ROBO1: variants seen among roughly 807,000 people sequenced by gnomAD.
ROBO1 encodes roundabout guidance receptor 1.
In ROBO1, 149 loss-of-function variants were observed where a neutral mutation model predicts 195.9. The ratio of observed to expected loss-of-function variants is 0.76; its 90% CI spans 0.67 to 0.87. The LOEUF (loss-of-function observed/expected upper bound fraction) is 0.87, where lower values mean the gene tolerates loss of function less well. ROBO1 is among the 40% of genes least tolerant of loss of function. The pLI, the probability that ROBO1 is intolerant of heterozygous loss-of-function variation, is 0.00. For synonymous variants in ROBO1, 816 were observed against 733.2 expected (o/e 1.11, Z -1.82); for missense variants, 1,933 against 2,068.3 (o/e 0.93, Z 1.27).
intron 2 of ROBO1, among the ~76,000 whole-genome samples, chr3:79,359,546 T>G (rs184968335): frequency 2.0e-5 from 3 of 152,132 alleles, no homozygotes; most frequent in East Asian, 1.9e-4. Context: ...TGATCTTGTT[T>G]AAAGGGTTCT....
At chr3:79,672,470 T>C (rs1946659877) in intron 1 of ROBO1, among the ~76,000 whole-genome samples, 1 of 151,960 alleles carries the variant, frequency 6.6e-6, no homozygotes, top group Admixed American at 6.6e-5. Flanking sequence ...AATAAGTTAA[T>C]TTCTTGTATT....
chr3:79,700,710 T>C (rs1947598045), intron 1 of ROBO1, among the ~76,000 whole-genome samples: 1 of 151,892 alleles, frequency 6.6e-6, no homozygotes, highest in South Asian at 2.1e-4. Context: ...TGCCTACTTT[T>C]TAATGGGGTT....
chr3:78,961,274 G>T (rs1471896663), intron 3 of ROBO1, among the ~76,000 whole-genome samples: 1 of 152,138 alleles, frequency 6.6e-6, no homozygotes, highest in Non-Finnish European at 1.5e-5. Context: ...GACAGGGAGA[G>T]ATGAATCAAA....
chr3:79,098,338 C>G (rs1046875131), intron 3 of ROBO1, among the ~76,000 whole-genome samples: 5 of 151,792 alleles, frequency 3.3e-5, no homozygotes, highest in African/African-American at 1.2e-4. Context: ...GTCTTGTATT[C>G]TAGAAGGAAT....
chr3:79,274,804 TG>T (rs1356970815), intron 2 of ROBO1, among the ~76,000 whole-genome samples: 8 of 151,838 alleles, frequency 5.3e-5, no homozygotes, highest in Non-Finnish European at 1.2e-4. Flanking sequence ...AAGGAAACAT[TG>T]CAACAAATAC....
At chr3:79,433,667 C>T (rs934276147) in intron 2 of ROBO1, among the ~76,000 whole-genome samples, 1 of 152,144 alleles carries the variant, frequency 6.6e-6, no homozygotes, top group Non-Finnish European at 1.5e-5. Flanking sequence ...CATCAAGCTA[C>T]CAATGACTTT....
At chr3:78,725,716 C>T (rs1324780381) in intron 5 of ROBO1, among the ~76,000 whole-genome samples, 1 of 152,078 alleles carries the variant, frequency 6.6e-6, no homozygotes, top group Non-Finnish European at 1.5e-5. Flanking sequence ...AAATATACTG[C>T]CTTTAAAAAA....
chr3:79,075,752 G>T (rs1293671903), intron 3 of ROBO1, among the ~76,000 whole-genome samples: 5 of 151,896 alleles, frequency 3.3e-5, no homozygotes, highest in African/African-American at 1.2e-4. Flanking sequence ...GGAATTAGTA[G>T]CTTTAGCTCC....
chr3:79,189,215 T>C (rs917979941), intron 2 of ROBO1, among the ~76,000 whole-genome samples: 2 of 151,840 alleles, frequency 1.3e-5, no homozygotes, highest in African/African-American at 4.8e-5. Flanking sequence ...ACATCAGGAA[T>C]ACAGTTGCAC....
chr3:78,791,668 C>T (rs1224265880), intron 4 of ROBO1, among the ~76,000 whole-genome samples: 1 of 151,964 alleles, frequency 6.6e-6, no homozygotes. Context: ...CCTTTACTGT[C>T]TGTGTGCTAT....
In ROBO1 at chr3:78,983,778, A is replaced by C. The variant is rs538275285; in HGVS notation, c.173-44851T>G. Among the ~76,000 whole-genome samples the C allele has an allele frequency of 2.6e-5, 4 of 152,328 alleles. No homozygotes were observed. The South Asian group carries it at 8.3e-4, about 32-fold the overall frequency. On this transcript the variant is annotated intron_variant, in intron 3 of 30. Coordinates refer to ENST00000464233, the MANE Select transcript of ROBO1 (RefSeq NM_002941.4). The stretch of plus-strand genomic sequence containing the variant: ...ATAAATACAAATATTTGAGTACTTA[A>C]GTACTTGAGAAACTAGCGCCATCTT...
At chr3:78,935,194 T>C (rs1167446168) in intron 4 of ROBO1, among the ~76,000 whole-genome samples, 2 of 152,192 alleles carry the variant, frequency 1.3e-5, no homozygotes, top group East Asian at 3.9e-4. Context: ...AATCTTTAAT[T>C]AATTAGCAAA....
chr3:79,408,195 T>G (rs35924478), intron 2 of ROBO1, among the ~76,000 whole-genome samples: 61,091 of 151,152 alleles, frequency 0.4, 12,588 homozygotes, highest in Admixed American at 0.51. Context: ...TCCAGTCTGG[T>G]CAACAAGAGT....
In ROBO1 at chr3:79,639,672, G is replaced by A. The variant is rs115269581; in HGVS notation, c.-50-49711C>T. ...TCACTCATCAACTAAAGAAAAATGA[G>A]CCCATTGGATTTGATGTTGTCTTCC... On this transcript the variant is annotated intron_variant, in intron 1 of 30. Coordinates refer to ENST00000464233, the MANE Select transcript of ROBO1 (RefSeq NM_002941.4). Among the ~76,000 whole-genome samples the A allele has an allele frequency of 4.2e-3, 632 of 152,260 alleles. 6 individuals are homozygous for A. Among genetic ancestry groups the A allele is most frequent in the African/African-American group, 0.015 (606 of 41,564 alleles).
At chr3:78,984,762 A>G (rs1432026298) in intron 3 of ROBO1, among the ~76,000 whole-genome samples, 1 of 152,220 alleles carries the variant, frequency 6.6e-6, no homozygotes, top group African/African-American at 2.4e-5. Context: ...AAAGTAAAAC[A>G]AAGTGATGGC....
intron 10 of ROBO1, among the ~76,000 whole-genome samples, chr3:78,679,868 C>T (rs572465784): frequency 2.9e-4 from 44 of 151,980 alleles, no homozygotes; most frequent in African/African-American, 8.9e-4. Context: ...GAGCCCGCAT[C>T]GCCAAGTCAA....
intron 8 of ROBO1, among the ~76,000 whole-genome samples, chr3:78,708,329 T>A (rs2081601301): frequency 6.6e-6 from 1 of 152,170 alleles, no homozygotes; most frequent in African/African-American, 2.4e-5. Context: ...ATGATTGTCA[T>A]TGAAAGTAAA....
chr3:79,597,402 A>G (rs532034677), intron 1 of ROBO1, among the ~76,000 whole-genome samples: 1 of 151,932 alleles, frequency 6.6e-6, no homozygotes, highest in East Asian at 1.9e-4. Context: ...AGTACTTCAA[A>G]CCTCCTATAA....
At chr3:79,263,475 C>T (rs2082977838) in intron 2 of ROBO1, among the ~76,000 whole-genome samples, 1 of 151,882 alleles carries the variant, frequency 6.6e-6, no homozygotes, top group South Asian at 2.1e-4. Context: ...ATAGCAAGAC[C>T]CTGTCTCTAC....
Sources: gnomAD v4.1 joint callset for allele counts (sites outside exome capture counted in the v4.1 genomes callset) on GRCh38, gnomAD v4.1.1 for gene constraint, MANE v1.5 for transcripts, NCBI Gene and HGNC (gene_info 2026-07-23, HGNC 2026-07-21) for gene names.